CFDP1: variants seen among roughly 807,000 people sequenced by gnomAD.
CFDP1 encodes heterochromatin-stabilizing protein CFDP1.
Under a neutral mutation model 40.1 loss-of-function variants are expected in CFDP1, and 31 were observed. The observed-to-expected ratio is 0.77, with a 90% CI of 0.58 to 1.04. The LOEUF (loss-of-function observed/expected upper bound fraction) is 1.04. Among genes scored for constraint, CFDP1 ranks in the 50% least tolerant of loss-of-function variants. The probability of loss-of-function intolerance (pLI) is 0.00; values close to 1 mark genes in which losing one functional copy is unlikely to be tolerated. For missense variants in CFDP1, 423 were observed against 343.4 expected (o/e 1.23, Z -1.83); for synonymous variants, 167 against 120.0 (o/e 1.39, Z -2.56).
intron 6 of CFDP1, among the ~76,000 whole-genome samples, chr16:75,298,412 G>A (rs1567637934): frequency 6.6e-6 from 1 of 152,182 alleles, no homozygotes; most frequent in Non-Finnish European, 1.5e-5. Flanking sequence ...CAGGAAGAGG[G>A]AGAGCACATG....
At chr16:75,314,496 T>C (rs1203688673) in intron 5 of CFDP1, among the ~76,000 whole-genome samples, 1 of 152,134 alleles carries the variant, frequency 6.6e-6, no homozygotes, top group Non-Finnish European at 1.5e-5. Flanking sequence ...GGGGTGGTAG[T>C]TGCTGACAGC....
chr16:75,431,454 C>CAAAAAAAAAAAA (rs60902612), intron 1 of CFDP1, among the ~76,000 whole-genome samples: 17 of 59,590 alleles, frequency 2.9e-4, no homozygotes, highest in East Asian at 6.2e-4. Flanking sequence ...ACTCTTGTCT[C>CAAAAAAAAAAAA]AAAAAAAAAA....
intron 4 of CFDP1, among the ~76,000 whole-genome samples, chr16:75,410,187 G>C (rs779727697): frequency 3.3e-5 from 5 of 150,246 alleles, no homozygotes; most frequent in Non-Finnish European, 5.9e-5. Flanking sequence ...AACAATTTTA[G>C]GGAAAATTGT....
At chr16:75,356,739 G>T (rs889634182) in intron 5 of CFDP1, among the ~76,000 whole-genome samples, 23 of 152,016 alleles carry the variant, frequency 1.5e-4, no homozygotes, top group Middle Eastern at 3.4e-3. Flanking sequence ...AAAATAATAA[G>T]AAGAAAGAAA....
intron 5 of CFDP1, among the ~76,000 whole-genome samples, chr16:75,378,851 T>A (rs2078826533): frequency 6.6e-6 from 1 of 152,120 alleles, no homozygotes; most frequent in Admixed American, 6.6e-5. Flanking sequence ...TCCTGGCCCA[T>A]AAAATTAATA....
intron 6 of CFDP1, among the ~76,000 whole-genome samples, chr16:75,300,654 G>A (rs753214203): frequency 2.0e-5 from 3 of 152,170 alleles, no homozygotes; most frequent in Non-Finnish European, 2.9e-5. Flanking sequence ...GAGGAATGAA[G>A]GTTCTGTTTA....
In CFDP1 at chr16:75,305,083, G is replaced by A; in HGVS notation, c.750C>T (p.Ser250=). 2 of 1,614,104 alleles carry A rather than the reference G, an allele frequency of 1.2e-6. No individual in the cohort carries two copies. Among genetic ancestry groups the A allele is most frequent in the East Asian group, 4.5e-5 (2 of 44,890 alleles). ...TLEKSKLDWE[S]FKEEEGIGEE... is the part of the protein sequence containing the mutation. ...CACCAATCCCCTCTTCCTCCTTGAA[G>A]CTCTCCCAGTCCAGTTTGGACTTCT... The change falls in exon 6 of 7, where the codon AGC becomes AGT. Residue 250 remains serine (S), a synonymous_variant. Transcript: ENST00000283882.
chr16:75,341,244 T>TA (rs1454940639), intron 5 of CFDP1, among the ~76,000 whole-genome samples: 1 of 152,248 alleles, frequency 6.6e-6, no homozygotes, highest in Admixed American at 6.5e-5. Flanking sequence ...GTTGCAGCAG[T>TA]AATTGCCCAC....
chr16:75,334,969 G>A (rs1050331492), intron 5 of CFDP1, among the ~76,000 whole-genome samples: 9 of 149,894 alleles, frequency 6.0e-5, no homozygotes, highest in African/African-American at 9.9e-5. Flanking sequence ...AAAAAAAAAA[G>A]AAAAGAAAAA....
intron 5 of CFDP1, among the ~76,000 whole-genome samples, chr16:75,354,166 T>C (rs941654710): frequency 6.6e-6 from 1 of 152,210 alleles, no homozygotes; most frequent in Non-Finnish European, 1.5e-5. Context: ...AAGGTAAGTG[T>C]TGTGAGCACA....
intron 5 of CFDP1, among the ~76,000 whole-genome samples, chr16:75,346,581 TCAAAAAAAA>T (rs2078566669): frequency 6.7e-5 from 1 of 14,962 alleles, no homozygotes; most frequent in African/African-American, 2.5e-4. Context: ...AGACTCTGTC[TCAAAAAAAA>T]AAAAAAAAAA....
At chr16:75,392,313 G>A (rs566853680) in intron 5 of CFDP1, among the ~76,000 whole-genome samples, 1 of 151,948 alleles carries the variant, frequency 6.6e-6, no homozygotes, top group East Asian at 2.0e-4. Context: ...GCTGACGCAG[G>A]AGAATGGCTT....
At chr16:75,326,292 T>C (rs1335343072) in intron 5 of CFDP1, among the ~76,000 whole-genome samples, 2 of 152,190 alleles carry the variant, frequency 1.3e-5, no homozygotes, top group Admixed American at 6.5e-5. Context: ...TGTACACTAC[T>C]ACGTTATGAG....
At position 75,413,411 on chromosome 16, in the gene CFDP1, T is replaced by C. The variant is rs149883199; in HGVS notation, c.183-657A>G. Among the ~76,000 whole-genome samples, 980 of 152,168 alleles carry C rather than the reference T, an allele frequency of 6.4e-3. 8 individuals are homozygous for C. The highest frequency in any genetic ancestry group is 0.017 in the Middle Eastern group (5 of 294). On this transcript the variant is annotated intron_variant, in intron 2 of 6. Coordinates refer to ENST00000283882, the MANE Select transcript of CFDP1 (RefSeq NM_006324.3). ...CTTTCATCACAACAAGATGAGAAAA[T>C]TAGCCGGGCATGTTGGTGGGTGCCT...
chr16:75,302,523 T>C (rs112509100), intron 6 of CFDP1, among the ~76,000 whole-genome samples: 10 of 152,336 alleles, frequency 6.6e-5, no homozygotes, highest in African/African-American at 2.2e-4. Context: ...AGTGCTGGGA[T>C]TGCAGGAGTG....
chr16:75,320,995 G>A (rs1797615426), intron 5 of CFDP1, among the ~76,000 whole-genome samples: 1 of 151,922 alleles, frequency 6.6e-6, no homozygotes, highest in Admixed American at 6.6e-5. Flanking sequence ...TTTTTTAAGA[G>A]ATGGGATCTT....
At chr16:75,323,636 G>A (rs181175337) in intron 5 of CFDP1, among the ~76,000 whole-genome samples, 170 of 152,054 alleles carry the variant, frequency 1.1e-3, no homozygotes, top group African/African-American at 3.9e-3. Flanking sequence ...CAAATTTGCC[G>A]GGCCTGGTGG....
At chr16:75,355,238 T>C (rs1358734868) in intron 5 of CFDP1, among the ~76,000 whole-genome samples, 2 of 152,180 alleles carry the variant, frequency 1.3e-5, no homozygotes, top group Admixed American at 6.5e-5. Flanking sequence ...GGGGTAATTG[T>C]GGCAATTTCT....
chr16:75,357,813 C>T (rs1418710154), intron 5 of CFDP1, among the ~76,000 whole-genome samples: 1 of 152,206 alleles, frequency 6.6e-6, no homozygotes, highest in Admixed American at 6.5e-5. Flanking sequence ...TAGCTTCCTT[C>T]AAGAACTTTT....
Sources: gnomAD v4.1 joint callset for allele counts (sites outside exome capture counted in the v4.1 genomes callset) on GRCh38, gnomAD v4.1.1 for gene constraint, MANE v1.5 for transcripts, NCBI Gene and HGNC (gene_info 2026-07-23, HGNC 2026-07-21) for gene names.